GUCY1A2: variants seen among roughly 807,000 people sequenced by gnomAD.
GUCY1A2 encodes the protein guanylate cyclase 1 soluble subunit alpha 2.
GUCY1A2 carries 27 observed loss-of-function variants against 63.5 expected under a neutral mutation model. The ratio of observed to expected loss-of-function variants is 0.43; its 90% CI spans 0.31 to 0.59. GUCY1A2 has a LOEUF of 0.59. Ranked by LOEUF, GUCY1A2 falls within the 20% of genes least tolerant of loss-of-function variation. The probability of loss-of-function intolerance (pLI) is 0.11; values close to 1 mark genes in which losing one functional copy is unlikely to be tolerated. For missense variants in GUCY1A2, 768 were observed against 913.3 expected, an observed-to-expected ratio of 0.84 and a Z score of 2.05; for synonymous variants, 364 against 343.5, an observed-to-expected ratio of 1.06 and a Z score of -0.66.
chr11:106,875,951 C>T (rs1859742967), intron 4 of GUCY1A2, among the ~76,000 whole-genome samples: 1 of 151,936 alleles, frequency 6.6e-6, no homozygotes, highest in Non-Finnish European at 1.5e-5. Flanking sequence ...TCAAAAACCA[C>T]ATTGCAGTTG....
In GUCY1A2 at chr11:106,906,615, T is replaced by C. The variant is rs530208489; in HGVS notation, c.1206+32845A>G. The stretch of plus-strand genomic sequence containing the variant: ...ACACTCAAAGGATTATAAATCATTC[T>C]ACTATAAAGACACATGCACACATAT... On this transcript the variant is annotated intron_variant, in intron 4 of 7. Transcript: ENST00000526355. 5.1e-4 allele frequency among the ~76,000 whole-genome samples: 78 copies of C among 152,172 alleles called. 1 individual carries two copies. The Middle Eastern group carries it at 0.017, about 33-fold the overall frequency.
intron 6 of GUCY1A2, among the ~76,000 whole-genome samples, chr11:106,725,760 T>C (rs17106001): frequency 0.18 from 28,035 of 152,110 alleles, 2,757 homozygotes; most frequent in Middle Eastern, 0.25. Context: ...TGGTAAATTA[T>C]GAGCTTAAAA....
chr11:107,012,716 T>C (rs1861765179), intron 1 of GUCY1A2, among the ~76,000 whole-genome samples: 1 of 152,256 alleles, frequency 6.6e-6, no homozygotes, highest in African/African-American at 2.4e-5. Flanking sequence ...TTTCAGATTA[T>C]AGTATCTATT....
intron 4 of GUCY1A2, among the ~76,000 whole-genome samples, chr11:106,861,506 C>T (rs1459987295): frequency 2.0e-5 from 3 of 151,952 alleles, no homozygotes; most frequent in Non-Finnish European, 4.4e-5. Context: ...CTGAAATAAT[C>T]ATCTTCCCCA....
At chr11:106,882,825 G>C (rs1338863186) in intron 4 of GUCY1A2, among the ~76,000 whole-genome samples, 2 of 151,990 alleles carry the variant, frequency 1.3e-5, no homozygotes, top group Admixed American at 1.3e-4. Context: ...TAAGAATATA[G>C]TCAACTTACA....
chr11:106,761,813 G>C (rs1276345589), intron 6 of GUCY1A2, among the ~76,000 whole-genome samples: 1 of 152,020 alleles, frequency 6.6e-6, no homozygotes, highest in African/African-American at 2.4e-5. Context: ...CCCTGGACAG[G>C]CCTTCTTAAC....
chr11:106,939,640 C>T lies in GUCY1A2; in HGVS notation c.1026G>A (p.Leu342=), dbSNP rs749351651. The change falls in exon 4 of 8, where the codon TTG becomes TTA. Residue 342 remains leucine, a synonymous_variant. Coordinates refer to ENST00000526355, the MANE Select transcript of GUCY1A2 (RefSeq NM_000855.3). ...MFDPSMSVLQ[L]GEGLRKQLRC... is the part of the protein sequence containing the mutation. ...GAAGCTGCTTCCTTAGACCTTCCCC[C>T]AACTGAAGGACTGACATGCTGGGAT... 10 of 1,613,872 alleles carry T rather than the reference C, an allele frequency of 6.2e-6. No individual in the cohort carries two copies. The Admixed American group carries it at 1.7e-4, about 27-fold the overall frequency.
intron 1 of GUCY1A2, among the ~76,000 whole-genome samples, chr11:107,002,754 T>C (rs554456289): frequency 2.0e-5 from 3 of 152,280 alleles, no homozygotes; most frequent in African/African-American, 7.2e-5. Flanking sequence ...TTAATATATA[T>C]CTAGAGAACT....
rs140977038 is a variant in GUCY1A2 at position 106,949,772 on chromosome 11, C to T, written c.488-9594G>A. ...AGGAAACCATTCCAGACTGAAGAAA[C>T]ATATATGCTAAGGTCCAGAAAGACA... On this transcript the variant is annotated intron_variant, in intron 3 of 7. Transcript: ENST00000526355. Among the ~76,000 whole-genome samples the T allele has an allele frequency of 1.6e-3, 251 of 152,242 alleles. 3 individuals are homozygous for T. The highest frequency in any genetic ancestry group is 5.6e-3 in the African/African-American group (233 of 41,530).
intron 3 of GUCY1A2, among the ~76,000 whole-genome samples, chr11:106,950,840 G>C (rs546928435): frequency 6.6e-6 from 1 of 152,136 alleles, no homozygotes; most frequent in Admixed American, 6.6e-5. Flanking sequence ...GTATGCGCTT[G>C]CCATGGTGGT....
intron 4 of GUCY1A2, among the ~76,000 whole-genome samples, chr11:106,876,931 A>G (rs1591311011): frequency 6.6e-6 from 1 of 152,078 alleles, no homozygotes; most frequent in Non-Finnish European, 1.5e-5. Flanking sequence ...TTGCAGATGT[A>G]ATTAAGTCAA....
intron 4 of GUCY1A2, among the ~76,000 whole-genome samples, chr11:106,918,117 G>T (rs1172084764): frequency 7.0e-6 from 1 of 143,738 alleles, no homozygotes; most frequent in Admixed American, 6.9e-5. Context: ...AGGGTATAAC[G>T]CCCCTGTTTG....
chr11:106,768,922 A>C (rs11211902), intron 6 of GUCY1A2, among the ~76,000 whole-genome samples: 54,870 of 151,884 alleles, frequency 0.36, 10,276 homozygotes, highest in East Asian at 0.48. Context: ...TGAGATGGGA[A>C]CATGACCACA....
intron 3 of GUCY1A2, among the ~76,000 whole-genome samples, chr11:106,971,846 G>A (rs1861198569): frequency 6.6e-6 from 1 of 152,112 alleles, no homozygotes; most frequent in Admixed American, 6.6e-5. Context: ...GGGCTCCTGA[G>A]AGAAATGGCT....
At chr11:106,777,581 C>T (rs948693106) in intron 5 of GUCY1A2, among the ~76,000 whole-genome samples, 2 of 149,304 alleles carry the variant, frequency 1.3e-5, no homozygotes, top group South Asian at 2.1e-4. Flanking sequence ...AACACAGGAA[C>T]GGAAAACCAA....
chr11:106,801,902 A>G (rs1159871565), intron 5 of GUCY1A2, among the ~76,000 whole-genome samples: 1 of 152,182 alleles, frequency 6.6e-6, no homozygotes, highest in Non-Finnish European at 1.5e-5. Flanking sequence ...GGGACATCAT[A>G]ACACCTATTC....
At chr11:106,980,984 A>G (rs1423342831) in intron 2 of GUCY1A2, among the ~76,000 whole-genome samples, 1 of 152,206 alleles carries the variant, frequency 6.6e-6, no homozygotes, top group Admixed American at 6.5e-5. Context: ...AATGTGCTTA[A>G]TACAGTACTC....
At chr11:106,718,292 TTAAA>T (rs72138691) in intron 6 of GUCY1A2, among the ~76,000 whole-genome samples, 51,155 of 151,736 alleles carry the variant, frequency 0.34, 8,804 homozygotes, top group Non-Finnish European at 0.37. Context: ...CGGTAAAATT[TTAAA>T]TAATTAATAT....
intron 4 of GUCY1A2, among the ~76,000 whole-genome samples, chr11:106,879,843 C>G (rs1470513803): frequency 6.6e-6 from 1 of 152,086 alleles, no homozygotes; most frequent in Non-Finnish European, 1.5e-5. Flanking sequence ...TTTGAAAGCA[C>G]TTATGGGATA....
Sources: gnomAD v4.1 joint callset for allele counts (sites outside exome capture counted in the v4.1 genomes callset) on GRCh38, gnomAD v4.1.1 for gene constraint, MANE v1.5 for transcripts, NCBI Gene and HGNC (gene_info 2026-07-23, HGNC 2026-07-21) for gene names.